HGSNAT: variants seen among roughly 807,000 people sequenced by gnomAD.
HGSNAT encodes the protein heparan-alpha-glucosaminide N-acetyltransferase.
In HGSNAT, 59 loss-of-function variants were observed where a neutral mutation model predicts 85.2. That is an observed-to-expected ratio of 0.69 (90% CI 0.56 to 0.86). HGSNAT has a LOEUF of 0.86. HGSNAT is among the 40% of genes least tolerant of loss of function. The pLI, the probability that HGSNAT is intolerant of heterozygous loss-of-function variation, is 0.00. For missense variants in HGSNAT, 756 were observed against 777.1 expected, an observed-to-expected ratio of 0.97 and a Z score of 0.32; for synonymous variants, 321 against 304.5, an observed-to-expected ratio of 1.05 and a Z score of -0.56.
rs374882647 is a variant in HGSNAT, at chr8:43,192,300, C to T, written c.1251-4C>T. On this transcript the variant is annotated splice_region_variant and splice_polypyrimidine_tract_variant and intron_variant, in intron 12 of 17. Coordinates refer to ENST00000379644, the MANE Select transcript of HGSNAT (RefSeq NM_152419.3). ...TCATTTACATATGCTTTTCACCTTC[C>T]TAGTGGTTATCTTGGTCCTGGGGGC... 4.4e-5 allele frequency: 71 copies of T among 1,604,314 alleles called. No homozygotes were observed. In the African/African-American group the frequency reaches 9.1e-4, roughly 21 times the overall value.
intron 12 of HGSNAT, among the ~76,000 whole-genome samples, chr8:43,191,929 T>A (rs554417346): frequency 6.6e-6 from 1 of 150,906 alleles, no homozygotes; most frequent in Non-Finnish European, 1.5e-5. Context: ...TAAACCATGT[T>A]TTTTTTTTCT....
intron 11 of HGSNAT, 111 bp downstream of exon 11, chr8:43,182,371 C>T (rs758923194): frequency 2.2e-6 from 2 of 904,328 alleles, no homozygotes; most frequent in Non-Finnish European, 3.7e-6. Context: ...CTCCTGGCTT[C>T]AAGTGATCCT....
chr8:43,191,432 G>C (rs1449368349), intron 11 of HGSNAT, 42 bp from the exon 12 acceptor site: 6 of 1,599,002 alleles, frequency 3.8e-6, no homozygotes, highest in Non-Finnish European at 5.1e-6. Context: ...CCTTCTATTT[G>C]CATTTAGTTC....
At chr8:43,152,782 A>G (rs1329984163) in intron 2 of HGSNAT, among the ~76,000 whole-genome samples, 1 of 152,174 alleles carries the variant, frequency 6.6e-6, no homozygotes, top group African/African-American at 2.4e-5. Flanking sequence ...AATGAGAAAA[A>G]TAAAGGTTAA....
Position 43,140,539 on chromosome 8 carries a change from G to T in HGSNAT, c.43G>T (p.Ala15Ser), listed in dbSNP as rs951420873. 3.5e-6 allele frequency: 4 copies of T among 1,143,506 alleles called. No homozygotes were observed. In the African/African-American group the frequency reaches 4.9e-5, roughly 14 times the overall value. 70.8% of individuals were successfully genotyped at this position (1,143,506 alleles called of 1,614,324 possible). ...GRALAALLLA[A>S]SVLSAALLAP... ...GGCGCTGGCCGCGCTGCTGCTGGCC[G>T]CGTCCGTGCTGAGCGCCGCGCTGCT... Residue 15 changes from alanine to serine, a missense_variant, in exon 1 of 18, where the codon GCG becomes TCG. Transcript: ENST00000379644.
Position 43,143,666 on chromosome 8 carries a change from T to A in HGSNAT, c.118+3052T>A, listed in dbSNP as rs192865442. On this transcript the variant is annotated intron_variant, in intron 1 of 17. Transcript: ENST00000379644. ...CATTCTCCTGACTCAGCCTCCCGAG[T>A]AGCTGGGACTATAGGCACCCACCAT... Among the ~76,000 whole-genome samples the A allele has an allele frequency of 6.1e-3, 924 of 151,820 alleles. 6 individuals are homozygous for A. Among genetic ancestry groups the A allele is most frequent in the Non-Finnish European group, 0.011 (726 of 67,910 alleles).
In HGSNAT at chr8:43,170,618, G is replaced by A. The variant is rs1025285008; in HGVS notation, c.667G>A (p.Asp223Asn). 6 of 1,610,082 alleles carry A rather than the reference G, an allele frequency of 3.7e-6. No individual in the cohort carries two copies. The highest frequency in any genetic ancestry group is 4.2e-6 in the Non-Finnish European group (5 of 1,178,274). The change falls in exon 7 of 18, where the codon GAT (aspartate) becomes AAT (asparagine). Residue 223 changes from aspartate to asparagine, a missense_variant. Coordinates refer to ENST00000379644, the MANE Select transcript of HGSNAT (RefSeq NM_152419.3). ...ATCTCCCAGCAGGACAGACCCTCTCGATGGTGATGTTCAGCCAGCAACGTG... is the reference window on the plus strand; with the variant it reads ...ATCTCCCAGCAGGACAGACCCTCTCAATGGTGATGTTCAGCCAGCAACGTG... ...LGSPSRTDPL[D>N]GDVQPATWRL...
intron 14 of HGSNAT, among the ~76,000 whole-genome samples, chr8:43,195,134 G>T (rs1234727396): frequency 6.6e-6 from 1 of 151,992 alleles, no homozygotes. Context: ...TCGGCTGTTG[G>T]GTAGTGCAGA....
At chr8:43,181,815 G>C (rs1029620757) in intron 10 of HGSNAT, 3 of 284,238 alleles carry the variant, frequency 1.1e-5, no homozygotes, top group South Asian at 1.4e-4. Flanking sequence ...ATAGGAAAGA[G>C]CCAGGGTCAG....
chr8:43,187,726 T>A (rs1804368588), intron 11 of HGSNAT, among the ~76,000 whole-genome samples: 1 of 152,248 alleles, frequency 6.6e-6, no homozygotes, highest in Non-Finnish European at 1.5e-5. Flanking sequence ...TGATGCAGTT[T>A]CTTCCTAGCA....
intron 9 of HGSNAT, among the ~76,000 whole-genome samples, chr8:43,175,052 C>G (rs75075765): frequency 0.024 from 3,613 of 152,148 alleles, 140 homozygotes; most frequent in African/African-American, 0.081. Flanking sequence ...TGCTGTTGCA[C>G]ATGACAGGAT....
intron 1 of HGSNAT, among the ~76,000 whole-genome samples, chr8:43,141,055 G>C (rs919589379): frequency 4.6e-5 from 7 of 152,194 alleles, no homozygotes; most frequent in Non-Finnish European, 8.8e-5. Flanking sequence ...TCCCTTCCCT[G>C]AGGGCCTCGC....
Position 43,172,327 on chromosome 8 carries a change from T to C in HGSNAT, c.761T>C (p.Met254Thr), listed in dbSNP as rs1803652818. 1.2e-6 allele frequency: 2 copies of C among 1,611,746 alleles called. No individual in the cohort carries two copies. Among genetic ancestry groups the C allele is most frequent in the Admixed American group, 1.7e-5 (1 of 60,020 alleles). Residue 254 changes from methionine to threonine, a missense_variant, in exon 8 of 18, where the codon ATG (methionine) becomes ACG (threonine). Met to Thr is a moderately conservative substitution (Grantham distance 81). Coordinates refer to ENST00000379644, the MANE Select transcript of HGSNAT (RefSeq NM_152419.3). The stretch of plus-strand genomic sequence containing the variant: ...TCTTCTAGGATTGCTCTTATACTCA[T>C]GGTCTTTGTCAATTATGGAGGAGGA... ...DTFRGIALIL[M>T]VFVNYGGGKY... is the part of the protein sequence containing the mutation.
At chr8:43,153,271 A>G (rs568011087) in intron 2 of HGSNAT, among the ~76,000 whole-genome samples, 2 of 152,344 alleles carry the variant, frequency 1.3e-5, no homozygotes, top group South Asian at 2.1e-4. Flanking sequence ...ACTGTATACC[A>G]TGTATCAAGT....
chr8:43,192,220 G>T, intron 12 of HGSNAT, 84 bp from the exon 13 acceptor site: 3 of 1,471,848 alleles, frequency 2.0e-6, no homozygotes, highest in Non-Finnish European at 2.8e-6. Context: ...GAGCCACCGT[G>T]CCCGGCCTGA....
intron 2 of HGSNAT, among the ~76,000 whole-genome samples, chr8:43,156,154 T>C (rs1329924845): frequency 3.3e-5 from 5 of 152,240 alleles, no homozygotes; most frequent in Non-Finnish European, 7.3e-5. Context: ...ACTTTTTTGA[T>C]GTAGACATTT....
chr8:43,148,528 C>G (rs911893301), intron 2 of HGSNAT, among the ~76,000 whole-genome samples: 1 of 151,720 alleles, frequency 6.6e-6, no homozygotes, highest in Admixed American at 6.6e-5. Flanking sequence ...TGGCTCACAC[C>G]TGTAATCCCA....
chr8:43,144,341 A>T (rs999468387), intron 1 of HGSNAT, among the ~76,000 whole-genome samples: 5 of 151,806 alleles, frequency 3.3e-5, no homozygotes, highest in African/African-American at 1.2e-4. Flanking sequence ...AAAAAAAAAA[A>T]AATTTTAACT....
intron 11 of HGSNAT, among the ~76,000 whole-genome samples, chr8:43,187,841 G>T (rs908048522): frequency 6.6e-6 from 1 of 152,140 alleles, no homozygotes; most frequent in Admixed American, 6.5e-5. Flanking sequence ...AGGCCTGCTG[G>T]TGACAAAATC....
Sources: allele counts gnomAD v4.1 joint callset (sites outside exome capture counted in the v4.1 genomes callset), GRCh38; gene constraint gnomAD v4.1.1; transcripts MANE v1.5; gene names NCBI Gene and HGNC (gene_info 2026-07-23, HGNC 2026-07-21).